WWOX: variants seen among roughly 807,000 people sequenced by gnomAD.
WWOX encodes WW domain-containing oxidoreductase.
WWOX carries 69 observed loss-of-function variants against 46.2 expected under a neutral mutation model. That is an observed-to-expected ratio of 1.49 (90% CI 1.23 to 1.82). WWOX has a LOEUF of 1.82. Among genes scored for constraint, WWOX ranks in the 40% most tolerant of loss-of-function variants. The probability of loss-of-function intolerance (pLI) is 0.00; values close to 1 mark genes in which losing one functional copy is unlikely to be tolerated. For missense variants in WWOX, 919 were observed against 542.6 expected (o/e 1.69, Z -6.89); for synonymous variants, 359 against 202.6 (o/e 1.77, Z -6.56).
chr16:78,419,258 G>C (rs967947376), intron 6 of WWOX, among the ~76,000 whole-genome samples: 6 of 152,078 alleles, frequency 3.9e-5, no homozygotes, highest in African/African-American at 1.4e-4. Context: ...TAAAATTTCA[G>C]TTGACTTTTT....
chr16:78,894,634 G>A (rs187505543), intron 8 of WWOX, among the ~76,000 whole-genome samples: 24 of 152,230 alleles, frequency 1.6e-4, no homozygotes, highest in Non-Finnish European at 2.9e-4. Flanking sequence ...GAGCAAGGTG[G>A]TACTTATACC....
chr16:78,812,356 A>G (rs778023001), intron 8 of WWOX, among the ~76,000 whole-genome samples: 4 of 152,270 alleles, frequency 2.6e-5, no homozygotes, highest in South Asian at 2.1e-4. Flanking sequence ...CCGATTTAAC[A>G]TGACAGGTCT....
intron 8 of WWOX, among the ~76,000 whole-genome samples, chr16:78,599,927 C>G (rs1315669652): frequency 6.6e-6 from 1 of 152,134 alleles, no homozygotes; most frequent in Non-Finnish European, 1.5e-5. Flanking sequence ...GTGTATTAGT[C>G]TGTTTCCTTG....
At chr16:78,456,502 C>G (rs547736943) in intron 8 of WWOX, among the ~76,000 whole-genome samples, 19 of 152,258 alleles carry the variant, frequency 1.2e-4, no homozygotes, top group African/African-American at 4.6e-4. Context: ...CTGTCTTAAG[C>G]AATAGCCTTA....
chr16:78,267,752 C>T (rs764242066), intron 5 of WWOX, among the ~76,000 whole-genome samples: 7 of 148,740 alleles, frequency 4.7e-5, no homozygotes, highest in South Asian at 2.2e-4. Context: ...AGTATCTGTT[C>T]CACCTGATTG....
intron 8 of WWOX, among the ~76,000 whole-genome samples, chr16:78,545,908 G>C (rs1014058609): frequency 1.3e-5 from 2 of 152,206 alleles, no homozygotes; most frequent in Non-Finnish European, 1.5e-5. Context: ...TCTTGGATTA[G>C]GGCACCACGC....
At position 78,425,037 on chromosome 16, in the gene WWOX, T is replaced by A. The variant is rs745399177; in HGVS notation, c.773T>A (p.Val258Asp). 1 of 1,613,888 alleles carries A rather than the reference T, an allele frequency of 6.2e-7. No individual in the cohort carries two copies. The highest frequency in any genetic ancestry group is 8.5e-7 in the Non-Finnish European group (1 of 1,180,028). Residue 258 changes from valine to aspartate, a missense_variant, in exon 7 of 9, where the codon GTC (valine) becomes GAC (aspartate). By Grantham distance (152) the Val-to-Asp change is radical. Coordinates refer to ENST00000566780, the MANE Select transcript of WWOX (RefSeq NM_016373.4). ...CRSAPARVIVVSSESHRFTDI... is the reference protein window; with the variant it reads ...CRSAPARVIVDSSESHRFTDI... The stretch of plus-strand genomic sequence containing the variant: ...TCAGCTCCTGCCCGTGTCATTGTGG[T>A]CTCCTCAGAGTCCCATCGGTGGGTT...
At chr16:79,011,825 C>G (rs1385235692) in intron 8 of WWOX, among the ~76,000 whole-genome samples, 1 of 151,890 alleles carries the variant, frequency 6.6e-6, no homozygotes, top group Non-Finnish European at 1.5e-5. Context: ...ACAAAAAACT[C>G]TTTTGTGTTT....
chr16:78,542,188 C>G (rs1387137422), intron 8 of WWOX, among the ~76,000 whole-genome samples: 1 of 151,930 alleles, frequency 6.6e-6, no homozygotes, highest in Non-Finnish European at 1.5e-5. Context: ...AGAAATTGTT[C>G]ATCAGGTGTA....
intron 5 of WWOX, among the ~76,000 whole-genome samples, chr16:78,325,505 G>A (rs1457293196): frequency 6.6e-6 from 1 of 152,144 alleles, no homozygotes; most frequent in Admixed American, 6.5e-5. Context: ...AATGACAAAT[G>A]AGGCAAAGTT....
intron 8 of WWOX, among the ~76,000 whole-genome samples, chr16:78,510,455 C>A (rs1363517022): frequency 6.6e-6 from 1 of 152,146 alleles, no homozygotes; most frequent in Admixed American, 6.5e-5. Flanking sequence ...CTCAAGTGAT[C>A]CACCTGCCTC....
chr16:78,165,440 G>T (rs1231302981), intron 5 of WWOX, among the ~76,000 whole-genome samples: 1 of 152,210 alleles, frequency 6.6e-6, no homozygotes, highest in Non-Finnish European at 1.5e-5. Context: ...CTAGGAATCA[G>T]TAATGATGCC....
intron 8 of WWOX, among the ~76,000 whole-genome samples, chr16:78,435,444 C>A (rs897267856): frequency 6.6e-6 from 1 of 152,190 alleles, no homozygotes; most frequent in Non-Finnish European, 1.5e-5. Context: ...AAACAAATGT[C>A]CTCTGGGAGC....
At chr16:78,759,491 G>C (rs2049737996) in intron 8 of WWOX, among the ~76,000 whole-genome samples, 1 of 152,080 alleles carries the variant, frequency 6.6e-6, no homozygotes, top group South Asian at 2.1e-4. Flanking sequence ...GAAGCCTCTT[G>C]ACATACAGTG....
chr16:78,966,811 A>T (rs2046370701), intron 8 of WWOX, among the ~76,000 whole-genome samples: 1 of 152,192 alleles, frequency 6.6e-6, no homozygotes, highest in African/African-American at 2.4e-5. Context: ...ACTTTGGCAG[A>T]ATTACCTACT....
chr16:78,803,489 C>T (rs1392986451), intron 8 of WWOX, among the ~76,000 whole-genome samples: 1 of 152,114 alleles, frequency 6.6e-6, no homozygotes, highest in Non-Finnish European at 1.5e-5. Flanking sequence ...CTGTGTTGCC[C>T]ATGCTGGAGT....
intron 8 of WWOX, chr16:78,525,731 A>AG (rs1156650384): frequency 2.6e-5 from 4 of 151,964 alleles, no homozygotes; most frequent in African/African-American, 9.7e-5. Context: ...ATAAGCTACT[A>AG]GGGCCACATC....
At chr16:79,137,595 A>G (rs975420357) in intron 8 of WWOX, among the ~76,000 whole-genome samples, 2 of 152,162 alleles carry the variant, frequency 1.3e-5, no homozygotes, top group Non-Finnish European at 2.9e-5. Flanking sequence ...TGTTTTGAAC[A>G]TGTTCACCTT....
intron 8 of WWOX, among the ~76,000 whole-genome samples, chr16:78,750,583 C>A (rs554790526): frequency 6.6e-5 from 10 of 152,230 alleles, no homozygotes; most frequent in African/African-American, 1.9e-4. Flanking sequence ...TTGAACCCAT[C>A]ACCCAAATTA....
Sources: allele counts gnomAD v4.1 joint callset (sites outside exome capture counted in the v4.1 genomes callset), GRCh38; gene constraint gnomAD v4.1.1; transcripts MANE v1.5; gene names NCBI Gene and HGNC (gene_info 2026-07-23, HGNC 2026-07-21).